FGF12: variants seen among roughly 807,000 people sequenced by gnomAD.
FGF12 encodes the protein fibroblast growth factor 12B.
Under a neutral mutation model 23.6 loss-of-function variants are expected in FGF12, and 14 were observed. The observed-to-expected ratio is 0.59, with a 90% CI of 0.39 to 0.93. The LOEUF (loss-of-function observed/expected upper bound fraction) is 0.93, where lower values mean the gene tolerates loss of function less well. Among genes scored for constraint, FGF12 ranks in the 40% least tolerant of loss-of-function variants. The pLI is 0.00. For missense variants in FGF12, 175 were observed against 217.8 expected, an observed-to-expected ratio of 0.80 and a Z score of 1.24; for synonymous variants, 62 against 77.3, an observed-to-expected ratio of 0.80 and a Z score of 1.04.
intron 2 of FGF12, among the ~76,000 whole-genome samples, chr3:192,489,314 TA>T (rs1723730730): frequency 6.6e-6 from 1 of 152,070 alleles, no homozygotes; most frequent in Non-Finnish European, 1.5e-5. Context: ...CCATTTTTTT[TA>T]ATTCTCTATG....
At chr3:192,352,444 C>A (rs1184433631) in intron 3 of FGF12, among the ~76,000 whole-genome samples, 1 of 152,230 alleles carries the variant, frequency 6.6e-6, no homozygotes, top group Non-Finnish European at 1.5e-5. Flanking sequence ...GTATTTCTAA[C>A]AAGTTCTCAG....
At chr3:192,192,975 C>G (rs1011825494) in intron 4 of FGF12, among the ~76,000 whole-genome samples, 1 of 152,060 alleles carries the variant, frequency 6.6e-6, no homozygotes, top group Non-Finnish European at 1.5e-5. Flanking sequence ...CTTTTAGCAC[C>G]TATACTGAGT....
chr3:192,200,555 T>A (rs1200929910), intron 4 of FGF12, among the ~76,000 whole-genome samples: 4 of 152,158 alleles, frequency 2.6e-5, no homozygotes, highest in Admixed American at 6.6e-5. Flanking sequence ...GTTTCCCCCA[T>A]ATGTGTACAC....
chr3:192,150,896 T>C (rs1276137010), intron 5 of FGF12, among the ~76,000 whole-genome samples: 1 of 140,934 alleles, frequency 7.1e-6, no homozygotes, highest in Non-Finnish European at 1.6e-5. Flanking sequence ...AATCTGTAAA[T>C]TACCTTGGGC....
intron 2 of FGF12, among the ~76,000 whole-genome samples, chr3:192,632,072 A>G (rs964153125): frequency 2.0e-5 from 3 of 152,228 alleles, no homozygotes; most frequent in African/African-American, 7.2e-5. Context: ...AAATCATCTA[A>G]AAATGAACTG....
intron 2 of FGF12, among the ~76,000 whole-genome samples, chr3:192,400,157 G>A (rs1720697513): frequency 6.6e-6 from 1 of 151,850 alleles, no homozygotes; most frequent in African/African-American, 2.4e-5. Flanking sequence ...GAGTCTGGGA[G>A]GCCTATAAAT....
intron 5 of FGF12, among the ~76,000 whole-genome samples, chr3:192,147,997 C>T (rs1713819826): frequency 1.3e-5 from 2 of 152,006 alleles, no homozygotes; most frequent in African/African-American, 2.4e-5. Context: ...AATTGAAACC[C>T]TATTCATTTC....
intron 2 of FGF12, among the ~76,000 whole-genome samples, chr3:192,567,126 A>G (rs574466645): frequency 6.6e-6 from 1 of 152,222 alleles, no homozygotes; most frequent in Non-Finnish European, 1.5e-5. Flanking sequence ...GAGGATAAAG[A>G]TGGAAGTTTT....
intron 2 of FGF12, among the ~76,000 whole-genome samples, chr3:192,690,511 G>A (rs1367058424): frequency 6.8e-6 from 1 of 147,168 alleles, no homozygotes; most frequent in Non-Finnish European, 1.5e-5. Flanking sequence ...TTTTACATAA[G>A]CTTCATGGTA....
At chr3:192,404,768 G>A (rs1720895003) in intron 2 of FGF12, among the ~76,000 whole-genome samples, 1 of 152,132 alleles carries the variant, frequency 6.6e-6, no homozygotes, top group Non-Finnish European at 1.5e-5. Flanking sequence ...TCCACACAGT[G>A]TCTAAGGGGC....
At chr3:192,727,006 TA>T in intron 2 of FGF12, 174 bp downstream of exon 2, 1 of 734,892 alleles carries the variant, frequency 1.4e-6, no homozygotes, top group Non-Finnish European at 2.3e-6. Context: ...CTGTGGGAGT[TA>T]AAAAGAAGTC....
At chr3:192,586,895 G>A (rs1329773224) in intron 2 of FGF12, among the ~76,000 whole-genome samples, 1 of 152,114 alleles carries the variant, frequency 6.6e-6, no homozygotes, top group Non-Finnish European at 1.5e-5. Context: ...GCTGACAACT[G>A]TACTTCTTGT....
intron 3 of FGF12, among the ~76,000 whole-genome samples, chr3:192,339,310 T>C (rs1717575474): frequency 6.6e-6 from 1 of 152,308 alleles, no homozygotes; most frequent in Middle Eastern, 3.4e-3. Flanking sequence ...CCTTTGCTAC[T>C]CCTTTCACTA....
intron 2 of FGF12, among the ~76,000 whole-genome samples, chr3:192,538,043 T>C (rs1486333134): frequency 6.7e-6 from 1 of 150,174 alleles, no homozygotes; most frequent in African/African-American, 2.4e-5. Flanking sequence ...TACTCCCAGG[T>C]TCAAGTGATT....
rs564912743 is a variant in FGF12 at position 192,646,830 on chromosome 3, C to T, written c.13+80351G>A. 2.6e-5 allele frequency among the ~76,000 whole-genome samples: 4 copies of T among 152,064 alleles called. No individual in the cohort carries two copies. In the South Asian group the frequency reaches 8.3e-4, roughly 32 times the overall value. On this transcript the variant is annotated intron_variant, in intron 2 of 5. Transcript: ENST00000445105. ...TCTACGAATATACTGAAAACCAGTA[C>T]GTTGTATGTTTTAAATGGGTAAACT...
intron 4 of FGF12, among the ~76,000 whole-genome samples, chr3:192,188,899 A>G (rs1381030569): frequency 2.6e-5 from 4 of 152,238 alleles, no homozygotes; most frequent in Admixed American, 2.0e-4. Flanking sequence ...CAAGTTCACA[A>G]CATTTCACAT....
In FGF12 at chr3:192,140,659, C is replaced by T. The variant is rs1465036077; in HGVS notation, c.*3350G>A. 6.6e-6 allele frequency: 1 copy of T among 151,990 alleles called. No homozygotes were observed. The highest frequency in any genetic ancestry group is 1.5e-5 in the Non-Finnish European group (1 of 67,880). 9.4% of individuals were successfully genotyped at this position (151,990 alleles called of 1,614,324 possible). A position where few individuals can be genotyped will look rare whatever the true frequency, so the allele number is the denominator to read the frequency against. ...ATTAGATTGTTGCTATTTTATTAAA[C>T]AGAAGAGTCTTAGTTCTTTTAAACA... On this transcript the variant is annotated 3_prime_UTR_variant, in exon 6 of 6. Transcript: ENST00000445105.
chr3:192,411,770 A>C (rs1395806878), intron 2 of FGF12, among the ~76,000 whole-genome samples: 1 of 152,194 alleles, frequency 6.6e-6, no homozygotes, highest in Non-Finnish European at 1.5e-5. Flanking sequence ...AGCTAAGGGG[A>C]GTAGCCAGAG....
chr3:192,633,469 GA>G (rs1002481205), intron 2 of FGF12, among the ~76,000 whole-genome samples: 1 of 152,014 alleles, frequency 6.6e-6, no homozygotes, highest in African/African-American at 2.4e-5. Context: ...ATTAATTTGG[GA>G]AAACACGATT....
Sources: gnomAD v4.1 joint callset for allele counts (sites outside exome capture counted in the v4.1 genomes callset) on GRCh38, gnomAD v4.1.1 for gene constraint, MANE v1.5 for transcripts, NCBI Gene and HGNC (gene_info 2026-07-23, HGNC 2026-07-21) for gene names.